Variants in TTLL11 observed in about 807,000 individuals in gnomAD.
TTLL11 encodes the protein tubulin tyrosine ligase like 11.
TTLL11 carries 42 observed loss-of-function variants against 51.7 expected under a neutral mutation model. The ratio of observed to expected loss-of-function variants is 0.81; its 90% confidence interval spans 0.64 to 1.05. The LOEUF is 1.05. Among genes scored for constraint, TTLL11 ranks in the 50% least tolerant of loss-of-function variants. The probability of loss-of-function intolerance (pLI) is 0.00; values close to 1 mark genes in which losing one functional copy is unlikely to be tolerated. For synonymous variants in TTLL11, 381 were observed against 383.5 expected, an observed-to-expected ratio of 0.99 and a Z score of 0.08; for missense variants, 799 against 940.4, an observed-to-expected ratio of 0.85 and a Z score of 1.97.
At chr9:121,898,050 C>A (rs1465170611) in intron 6 of TTLL11, among the ~76,000 whole-genome samples, 2 of 152,030 alleles carry the variant, frequency 1.3e-5, no homozygotes, top group African/African-American at 4.8e-5. Flanking sequence ...TCCCGAGTAG[C>A]TGGGACTACA....
chr9:121,984,087 A>G (rs1321159511), intron 4 of TTLL11, among the ~76,000 whole-genome samples: 1 of 152,138 alleles, frequency 6.6e-6, no homozygotes, highest in Non-Finnish European at 1.5e-5. Context: ...GAAAGCACAA[A>G]TTATGTCCAA....
intron 6 of TTLL11, among the ~76,000 whole-genome samples, chr9:121,871,789 GCTGCT>G (rs1838367614): frequency 2.0e-5 from 3 of 152,172 alleles, no homozygotes; most frequent in African/African-American, 4.8e-5. Flanking sequence ...AGCCTTGTGT[GCTGCT>G]CCTCCCAACC....
chr9:121,948,901 T>C (rs1047726023), intron 6 of TTLL11, among the ~76,000 whole-genome samples: 1 of 152,194 alleles, frequency 6.6e-6, no homozygotes, highest in Admixed American at 6.5e-5. Context: ...ATGCAAGCTT[T>C]GGGCACAAAG....
intron 1 of TTLL11, among the ~76,000 whole-genome samples, chr9:122,041,556 TAAAC>T (rs1336207253): frequency 2.0e-5 from 3 of 152,204 alleles, no homozygotes; most frequent in African/African-American, 7.2e-5. Context: ...TTCAAAGTAA[TAAAC>T]AAATTCAGCA....
intron 1 of TTLL11, among the ~76,000 whole-genome samples, chr9:122,049,573 C>A (rs1845105872): frequency 6.6e-6 from 1 of 152,208 alleles, no homozygotes; most frequent in South Asian, 2.1e-4. Context: ...GTTCCTCCCC[C>A]AGAGTATACA....
chr9:121,845,828 C>G (rs987797805), intron 8 of TTLL11, among the ~76,000 whole-genome samples: 2 of 151,996 alleles, frequency 1.3e-5, no homozygotes, highest in African/African-American at 2.4e-5. Context: ...CTATTAAAAC[C>G]AGAAAAGGCA....
chr9:121,942,446 G>A (rs532094591), intron 6 of TTLL11, among the ~76,000 whole-genome samples: 1 of 152,288 alleles, frequency 6.6e-6, no homozygotes, highest in South Asian at 2.1e-4. Context: ...CTGTTGAAAT[G>A]TAAGCTGTTT....
intron 8 of TTLL11, among the ~76,000 whole-genome samples, chr9:121,852,871 A>G (rs1249551003): frequency 6.6e-6 from 1 of 152,252 alleles, no homozygotes; most frequent in African/African-American, 2.4e-5. Flanking sequence ...TTCAAGGCTG[A>G]AGAACATCGT....
At chr9:121,855,880 C>T (rs988198066) in intron 8 of TTLL11, among the ~76,000 whole-genome samples, 2 of 152,130 alleles carry the variant, frequency 1.3e-5, no homozygotes, top group Non-Finnish European at 2.9e-5. Context: ...ATGCTACGTG[C>T]CTTGTATGCG....
intron 6 of TTLL11, among the ~76,000 whole-genome samples, chr9:121,903,970 A>G (rs1037678830): frequency 6.6e-6 from 1 of 152,200 alleles, no homozygotes; most frequent in Admixed American, 6.5e-5. Flanking sequence ...AGGGATACCA[A>G]ATACAACGTG....
intron 6 of TTLL11, among the ~76,000 whole-genome samples, chr9:121,880,328 C>A (rs1426064385): frequency 6.6e-6 from 1 of 152,166 alleles, no homozygotes; most frequent in African/African-American, 2.4e-5. Flanking sequence ...TGCTGCCTCC[C>A]TCATCCTCCA....
rs1836630598 is a variant in TTLL11, at chr9:121,822,995, T to A, written c.1841-116A>T. ...GAGCTAGCCCCGCTCCCCACCACCG[T>A]CTCCATTCCAGAAACTCCTAACAGG... is the stretch of plus-strand genomic sequence containing the variant. On this transcript the variant is annotated intron_variant, in intron 8 of 8. Transcript: ENST00000321582. This position sits in a 1 kb window ranked among gnomAD's most constrained non-coding sequence, Gnocchi z 5.8. 1 of 1,222,082 alleles carries A rather than the reference T, an allele frequency of 8.2e-7. No homozygotes were observed. The highest frequency in any genetic ancestry group is 1.1e-6 in the Non-Finnish European group (1 of 897,750). The allele number at this position is 1,222,082 out of a possible 1,614,324, so 75.7% of individuals were successfully genotyped here. A position where few individuals can be genotyped will look rare whatever the true frequency, so the allele number is the denominator to read the frequency against.
intron 8 of TTLL11, among the ~76,000 whole-genome samples, chr9:121,832,963 C>G (rs558641600): frequency 3.0e-4 from 45 of 152,014 alleles, no homozygotes; most frequent in African/African-American, 1.0e-3. Context: ...AACAGACAAA[C>G]AAACAAAAAC....
At chr9:121,908,212 T>G (rs1249321054) in intron 6 of TTLL11, among the ~76,000 whole-genome samples, 1 of 152,222 alleles carries the variant, frequency 6.6e-6, no homozygotes, top group Non-Finnish European at 1.5e-5. Context: ...CCAGATCCAT[T>G]CCAAACTTGC....
At chr9:122,060,854 G>A (rs941168462) in intron 1 of TTLL11, among the ~76,000 whole-genome samples, 2 of 152,210 alleles carry the variant, frequency 1.3e-5, no homozygotes, top group African/African-American at 4.8e-5. Flanking sequence ...GTATAACTAT[G>A]CCCTCTTCCA....
chr9:121,965,884 G>A (rs1047017139), intron 6 of TTLL11, among the ~76,000 whole-genome samples: 29 of 152,102 alleles, frequency 1.9e-4, no homozygotes, highest in Admixed American at 1.5e-3. Flanking sequence ...TTGGTTGTAC[G>A]ACAAGGCCCA....
intron 6 of TTLL11, among the ~76,000 whole-genome samples, chr9:121,900,951 G>A (rs959138139): frequency 9.2e-5 from 14 of 152,074 alleles, no homozygotes; most frequent in Non-Finnish European, 1.6e-4. Flanking sequence ...TGAGACTACA[G>A]GTGTATAGAG....
intron 6 of TTLL11, among the ~76,000 whole-genome samples, chr9:121,931,428 C>T (rs1225362773): frequency 6.6e-6 from 1 of 151,944 alleles, no homozygotes; most frequent in Non-Finnish European, 1.5e-5. Context: ...ACGTCTCACC[C>T]CTGCCTTTCT....
At chr9:121,831,846 G>A (rs781024594) in intron 8 of TTLL11, among the ~76,000 whole-genome samples, 4 of 152,032 alleles carry the variant, frequency 2.6e-5, no homozygotes, top group Non-Finnish European at 4.4e-5. Context: ...TAGTCTTCTC[G>A]GGCTGCAAAA....
Sources: allele counts gnomAD v4.1 joint callset (sites outside exome capture counted in the v4.1 genomes callset), GRCh38; gene constraint gnomAD v4.1.1; non-coding constraint Gnocchi (gnomAD v3.1); transcripts MANE v1.5; gene names NCBI Gene and HGNC (gene_info 2026-07-23, HGNC 2026-07-21).